ATP13A4: variants seen among roughly 807,000 people sequenced by gnomAD.
ATP13A4 encodes the protein probable cation-transporting ATPase 13A4.
Under a neutral mutation model 142.5 loss-of-function variants are expected in ATP13A4, and 114 were observed. The observed-to-expected ratio is 0.80, with a 90% CI of 0.69 to 0.93. The LOEUF (loss-of-function observed/expected upper bound fraction) is 0.93, where lower values mean the gene tolerates loss of function less well. Ranked by LOEUF, ATP13A4 falls within the 40% of genes least tolerant of loss-of-function variation. ATP13A4 has a pLI of 0.00. For synonymous variants in ATP13A4, 488 were observed against 514.8 expected, an observed-to-expected ratio of 0.95 and a Z score of 0.70; for missense variants, 1,392 against 1,454.0, an observed-to-expected ratio of 0.96 and a Z score of 0.69.
At chr3:193,534,038 A>T (rs1016650878) in intron 1 of ATP13A4, among the ~76,000 whole-genome samples, 2 of 152,202 alleles carry the variant, frequency 1.3e-5, no homozygotes, top group Admixed American at 1.3e-4. Flanking sequence ...CCATCTGGGG[A>T]ACATTAGTGA....
rs892048707 is a variant in ATP13A4 at position 193,441,601 on chromosome 3, A to G, written c.2317-13T>C. On this transcript the variant is annotated splice_polypyrimidine_tract_variant and intron_variant, in intron 19 of 29. Coordinates refer to ENST00000342695, the MANE Select transcript of ATP13A4 (RefSeq NM_032279.4). ...TAATGTAATTGTCCTACAAAGCAAG[A>G]CACAGTTATTTTAGACTCTTTCATT... 1 of 1,612,706 alleles carries G rather than the reference A, an allele frequency of 6.2e-7. No homozygotes were observed. Among genetic ancestry groups the G allele is most frequent in the Non-Finnish European group, 8.5e-7 (1 of 1,179,028 alleles).
chr3:193,569,823 C>T (rs1216685343), intron 2 of ATP13A4, among the ~76,000 whole-genome samples: 1 of 151,524 alleles, frequency 6.6e-6, no homozygotes, highest in Non-Finnish European at 1.5e-5. Flanking sequence ...GTATGAACCA[C>T]TTCACCCAGC....
intron 2 of ATP13A4, among the ~76,000 whole-genome samples, chr3:193,576,809 C>T (rs2108744206): frequency 6.6e-6 from 1 of 152,296 alleles, no homozygotes. Flanking sequence ...CTCATAAAAG[C>T]ATTCTACAGA....
intron 1 of ATP13A4, among the ~76,000 whole-genome samples, chr3:193,582,609 GTATATTATATATGTATATTA>G (rs1435976230): frequency 9.1e-6 from 1 of 109,452 alleles, no homozygotes; most frequent in African/African-American, 3.8e-5. Flanking sequence ...TATATTACAT[GTATATTATATATGTATATTA>G]CATACATTAT....
At chr3:193,574,812 G>A (rs1724359719) in intron 2 of ATP13A4, among the ~76,000 whole-genome samples, 2 of 152,178 alleles carry the variant, frequency 1.3e-5, no homozygotes, top group Non-Finnish European at 2.9e-5. Flanking sequence ...GTGGGGAGAG[G>A]GGTGGTTGGT....
intron 25 of ATP13A4, among the ~76,000 whole-genome samples, chr3:193,420,718 A>C (rs572567934): frequency 6.7e-6 from 1 of 149,800 alleles, no homozygotes; most frequent in South Asian, 2.1e-4. Context: ...ATATCATTTA[A>C]AAAGAACCAA....
chr3:193,526,257 A>G (rs1309828648), intron 1 of ATP13A4, among the ~76,000 whole-genome samples: 1 of 152,222 alleles, frequency 6.6e-6, no homozygotes, highest in East Asian at 1.9e-4. Flanking sequence ...ACCATGGAAT[A>G]CTATGCAGCC....
chr3:193,531,461 G>T (rs1722337658), intron 1 of ATP13A4, among the ~76,000 whole-genome samples: 1 of 152,066 alleles, frequency 6.6e-6, no homozygotes. Context: ...AATGTTGATA[G>T]AATTCACCTG....
chr3:193,442,983 C>T (rs931818068), intron 18 of ATP13A4, among the ~76,000 whole-genome samples: 1 of 152,060 alleles, frequency 6.6e-6, no homozygotes, highest in African/African-American at 2.4e-5. Context: ...AAGCAACTCC[C>T]CAAGGACTTT....
chr3:193,519,591 T>A (rs1401501483), intron 1 of ATP13A4, among the ~76,000 whole-genome samples: 1 of 150,784 alleles, frequency 6.6e-6, no homozygotes, highest in Non-Finnish European at 1.5e-5. Context: ...CCCTTTATAA[T>A]ACTTTTGTAG....
At chr3:193,459,970 G>A (rs1717857642) in intron 13 of ATP13A4, among the ~76,000 whole-genome samples, 2 of 152,210 alleles carry the variant, frequency 1.3e-5, no homozygotes, top group Admixed American at 6.5e-5. Context: ...AGCTTGGTTA[G>A]TCACAGCCCC....
chr3:193,538,892 C>CTTTTTTTTTT (rs67132373), intron 1 of ATP13A4, among the ~76,000 whole-genome samples: 1 of 120,854 alleles, frequency 8.3e-6, no homozygotes, highest in African/African-American at 3.0e-5. Flanking sequence ...TTGGTTTTTT[C>CTTTTTTTTTT]TTTTTTTTTT....
At chr3:193,464,805 T>C (rs1025647095) in intron 12 of ATP13A4, 135 bp downstream of exon 12, 1 of 928,382 alleles carries the variant, frequency 1.1e-6, no homozygotes, top group Non-Finnish European at 1.7e-6. Flanking sequence ...TCCCAGATCA[T>C]GCATCTAACC....
At chr3:193,478,155 C>T (rs1272704752) in intron 8 of ATP13A4, among the ~76,000 whole-genome samples, 5 of 151,782 alleles carry the variant, frequency 3.3e-5, no homozygotes, top group African/African-American at 2.4e-5. Flanking sequence ...CTTTTTTATG[C>T]CTACATCAAA....
At chr3:193,418,386 C>T (rs1483368656) in intron 25 of ATP13A4, among the ~76,000 whole-genome samples, 1 of 148,736 alleles carries the variant, frequency 6.7e-6, no homozygotes, top group Non-Finnish European at 1.5e-5. Flanking sequence ...CCTTAGTACT[C>T]ATCTCTCCCA....
chr3:193,591,536 C>T (rs907571957), intron 1 of ATP13A4, among the ~76,000 whole-genome samples: 1 of 152,140 alleles, frequency 6.6e-6, no homozygotes, highest in South Asian at 2.1e-4. Context: ...ATGGCTAGTA[C>T]GGATGTAATT....
intron 1 of ATP13A4, among the ~76,000 whole-genome samples, chr3:193,582,696 AAC>A (rs1185592982): frequency 1.9e-5 from 1 of 53,226 alleles, no homozygotes; most frequent in Non-Finnish European, 3.2e-5. Context: ...ATATGTGTAT[AAC>A]ATATATAATA....
At position 193,491,353 on chromosome 3, in the gene ATP13A4, T is replaced by C; in HGVS notation, c.579A>G (p.Pro193=). Residue 193 remains proline (P), a synonymous_variant, in exon 6 of 30, where the codon CCA becomes CCG. Transcript: ENST00000342695. ...CCTCCTTGATGAGCAGTTTCCAAAT[T>C]GGTGTAACTTCAACATCGATAGTAT... ...GPNTIDVEVT[P]IWKLLIKEVL... The C allele has an allele frequency of 3.1e-6, 5 of 1,602,512 alleles. No homozygotes were observed. Among genetic ancestry groups the C allele is most frequent in the Non-Finnish European group, 4.3e-6 (5 of 1,169,826 alleles).
chr3:193,412,225 A>G lies in ATP13A4; in HGVS notation c.3161T>C (p.Leu1054Pro). The stretch of plus-strand genomic sequence containing the variant: ...AAATGGTTTTCCTTTAGAGAACACA[A>G]GAGCCACAGTGATACAGTTGATTGT... Reference protein sequence around the residue: ...LGTINCITVALVFSKGKPFRQ... With the variant: ...LGTINCITVAPVFSKGKPFRQ... The change falls in exon 27 of 30, where the codon CTT (leucine) becomes CCT (proline). Residue 1054 changes from leucine to proline, a missense_variant. Leu to Pro is a moderately conservative substitution (Grantham distance 98). Transcript: ENST00000342695. The G allele has an allele frequency of 6.2e-7, 1 of 1,613,432 alleles. No individual in the cohort carries two copies. The highest frequency in any genetic ancestry group is 8.5e-7 in the Non-Finnish European group (1 of 1,179,342).
Sources: allele counts gnomAD v4.1 joint callset (sites outside exome capture counted in the v4.1 genomes callset), GRCh38; gene constraint gnomAD v4.1.1; transcripts MANE v1.5; gene names NCBI Gene and HGNC (gene_info 2026-07-23, HGNC 2026-07-21).